GPC6: variants seen among roughly 807,000 people sequenced by gnomAD.
The protein encoded by GPC6 is glypican-6.
Under a neutral mutation model 55.2 loss-of-function variants are expected in GPC6, and 14 were observed. The observed-to-expected ratio is 0.25, with a 90% CI of 0.17 to 0.40. The LOEUF (loss-of-function observed/expected upper bound fraction) is 0.40. GPC6 is among the 10% of genes least tolerant of loss of function. The pLI is 1.00. For synonymous variants in GPC6, 278 were observed against 259.6 expected (o/e 1.07, Z -0.68); for missense variants, 641 against 708.5 (o/e 0.90, Z 1.08).
chr13:93,429,717 A>AT (rs905592689), intron 1 of GPC6, among the ~76,000 whole-genome samples: 7 of 151,974 alleles, frequency 4.6e-5, no homozygotes, highest in Admixed American at 6.6e-5. Flanking sequence ...TCGCAGTATT[A>AT]TTTTTTTCTT....
chr13:94,029,951 G>T (rs187006165), intron 4 of GPC6, among the ~76,000 whole-genome samples: 78 of 151,916 alleles, frequency 5.1e-4, no homozygotes, highest in Non-Finnish European at 4.6e-4. Context: ...TTAATGAAAA[G>T]CAAGCGTGGT....
At chr13:94,280,719 A>G (rs573683912) in intron 4 of GPC6, among the ~76,000 whole-genome samples, 12 of 152,180 alleles carry the variant, frequency 7.9e-5, no homozygotes, top group Non-Finnish European at 1.6e-4. Flanking sequence ...TCAGTGGGGA[A>G]AATATCTTGG....
chr13:93,523,567 CA>C (rs61616884), intron 1 of GPC6, among the ~76,000 whole-genome samples: 39,293 of 151,450 alleles, frequency 0.26, 5,221 homozygotes, highest in South Asian at 0.32. Context: ...CGCACTTCCT[CA>C]TTTGCTGCAA....
chr13:94,189,458 T>C (rs960342172), intron 4 of GPC6, among the ~76,000 whole-genome samples: 17 of 152,164 alleles, frequency 1.1e-4, no homozygotes, highest in African/African-American at 4.1e-4. Flanking sequence ...CTACCACTTA[T>C]TGCTTTACTG....
chr13:94,305,758 T>C (rs1011979194), intron 5 of GPC6, among the ~76,000 whole-genome samples: 1 of 152,240 alleles, frequency 6.6e-6, no homozygotes, highest in African/African-American at 2.4e-5. Context: ...CTGTGTATGC[T>C]GAAACTATGA....
chr13:94,184,740 C>A (rs1160702046), intron 4 of GPC6, among the ~76,000 whole-genome samples: 3 of 151,820 alleles, frequency 2.0e-5, no homozygotes, highest in Non-Finnish European at 2.9e-5. Context: ...GGAGTTTTCC[C>A]AAAAAAATTT....
At chr13:93,869,626 A>G (rs1206288407) in intron 3 of GPC6, among the ~76,000 whole-genome samples, 3 of 151,846 alleles carry the variant, frequency 2.0e-5, no homozygotes, top group Admixed American at 6.6e-5. Context: ...TCACATCCCT[A>G]TGATTTCTTA....
intron 2 of GPC6, among the ~76,000 whole-genome samples, chr13:93,575,953 C>T (rs1348298866): frequency 6.6e-6 from 1 of 151,890 alleles, no homozygotes; most frequent in East Asian, 1.9e-4. Flanking sequence ...TACCCAGTTG[C>T]CTAAATGCAC....
intron 6 of GPC6, among the ~76,000 whole-genome samples, chr13:94,311,094 T>C (rs1376055444): frequency 6.6e-6 from 1 of 152,222 alleles, no homozygotes; most frequent in Non-Finnish European, 1.5e-5. Flanking sequence ...TATTTTTTAC[T>C]TGAAAGATTA....
chr13:93,889,032 A>G (rs1176630138), intron 3 of GPC6, among the ~76,000 whole-genome samples: 1 of 152,160 alleles, frequency 6.6e-6, no homozygotes, highest in Non-Finnish European at 1.5e-5. Context: ...AAAAAAGTAA[A>G]CTGAAACCAT....
chr13:93,983,576 C>T (rs9589876), intron 3 of GPC6, among the ~76,000 whole-genome samples: 2,476 of 152,134 alleles, frequency 0.016, 82 homozygotes, highest in African/African-American at 0.057. Flanking sequence ...GCTGAGACTA[C>T]AGGCATAACC....
chr13:94,268,721 A>G (rs113752250), intron 4 of GPC6, among the ~76,000 whole-genome samples: 5,253 of 152,278 alleles, frequency 0.034, 125 homozygotes, highest in African/African-American at 0.062. Context: ...TAAAGAAAAT[A>G]AGAGGAAATC....
chr13:93,644,802 A>C (rs1880105772), intron 2 of GPC6, among the ~76,000 whole-genome samples: 1 of 151,302 alleles, frequency 6.6e-6, no homozygotes, highest in Non-Finnish European at 1.5e-5. Context: ...AAATAAATAA[A>C]TAAATAAATG....
At chr13:94,340,831 G>A (rs939639725) in intron 6 of GPC6, among the ~76,000 whole-genome samples, 9 of 152,160 alleles carry the variant, frequency 5.9e-5, no homozygotes, top group Admixed American at 2.0e-4. Flanking sequence ...TGCTGCACGG[G>A]AATATTTAAT....
intron 1 of GPC6, among the ~76,000 whole-genome samples, chr13:93,288,050 T>C (rs938382033): frequency 2.0e-5 from 3 of 152,198 alleles, no homozygotes; most frequent in African/African-American, 7.2e-5. Context: ...ATGTCCCTTT[T>C]AATAAAATGT....
intron 4 of GPC6, among the ~76,000 whole-genome samples, chr13:94,080,759 A>G (rs1885069531): frequency 6.6e-6 from 1 of 152,120 alleles, no homozygotes; most frequent in South Asian, 2.1e-4. Context: ...TTACAAAGCC[A>G]CTAATCCCAC....
intron 2 of GPC6, among the ~76,000 whole-genome samples, chr13:93,603,615 T>C (rs561978356): frequency 1.3e-5 from 2 of 152,350 alleles, no homozygotes; most frequent in African/African-American, 4.8e-5. Flanking sequence ...CATAAGCATC[T>C]CACTGCTCTA....
chr13:93,777,192 G>A (rs1041749572), intron 2 of GPC6, among the ~76,000 whole-genome samples: 2 of 152,138 alleles, frequency 1.3e-5, no homozygotes, highest in South Asian at 2.1e-4. Flanking sequence ...CTCACACAGC[G>A]GTTGAAACAG....
intron 1 of GPC6, among the ~76,000 whole-genome samples, chr13:93,229,053 G>C (rs1042253285): frequency 1.3e-5 from 2 of 152,136 alleles, no homozygotes; most frequent in African/African-American, 4.8e-5. Flanking sequence ...GTCTAAGTTA[G>C]AATCTGTGGT....
Sources: allele counts gnomAD v4.1 joint callset (sites outside exome capture counted in the v4.1 genomes callset), GRCh38; gene constraint gnomAD v4.1.1; transcripts MANE v1.5; gene names NCBI Gene and HGNC (gene_info 2026-07-23, HGNC 2026-07-21).